Variants in SMC2 observed in about 807,000 individuals in gnomAD.
SMC2 encodes the protein structural maintenance of chromosomes 2.
A neutral mutation model predicts 142.6 loss-of-function variants in SMC2; 41 were observed. The ratio of observed to expected loss-of-function variants is 0.29; its 90% CI spans 0.22 to 0.37. The LOEUF (loss-of-function observed/expected upper bound fraction) is 0.37. Ranked by LOEUF, SMC2 falls within the 10% of genes least tolerant of loss-of-function variation. SMC2 has a pLI of 1.00. For synonymous variants in SMC2, 463 were observed against 457.5 expected (o/e 1.01, Z -0.15); for missense variants, 1,265 against 1,373.7 (o/e 0.92, Z 1.25).
intron 10 of SMC2, 29 bp downstream of exon 10, chr9:104,111,843 T>C (rs763962629): frequency 1.4e-6 from 2 of 1,477,754 alleles, no homozygotes; most frequent in Admixed American, 4.3e-5. Flanking sequence ...ACTATGTGAT[T>C]GCTTTTTTTT....
Position 104,131,915 on chromosome 9 carries a change from A to G in SMC2, c.2992-94A>G, listed in dbSNP as rs180960437. On this transcript the variant is annotated intron_variant, in intron 21 of 24. Transcript: ENST00000374793. The stretch of plus-strand genomic sequence containing the variant: ...GTAAATAGCAATGTATGTATTGTAT[A>G]TAAAAATAATGAAAACTGTTTATTT... The G allele has an allele frequency of 1.9e-4, 129 of 678,622 alleles. No homozygotes were observed. In the East Asian group the frequency reaches 2.5e-3, roughly 13 times the overall value. The allele number at this position is 678,622 out of a possible 1,614,324, so 42.0% of individuals were successfully genotyped here.
Position 104,113,858 on chromosome 9 carries a change from T to G in SMC2, c.1415-106T>G, listed in dbSNP as rs987153117. 13 of 666,942 alleles carry G rather than the reference T, an allele frequency of 1.9e-5. No homozygotes were observed. In the African/African-American group the frequency reaches 2.2e-4, roughly 11 times the overall value. 41.3% of individuals were successfully genotyped at this position (666,942 alleles called of 1,614,324 possible). A position where few individuals can be genotyped will look rare whatever the true frequency, so the allele number is the denominator to read the frequency against. On this transcript the variant is annotated intron_variant, in intron 11 of 24. Coordinates refer to ENST00000374793, the MANE Select transcript of SMC2 (RefSeq NM_006444.3). ...ATGCTTTTTTAATACTTACAGAAAT[T>G]TGTATTTTTTGCATGCTTTGGAAAT...
intron 22 of SMC2, among the ~76,000 whole-genome samples, chr9:104,132,843 T>G (rs1045677542): frequency 6.6e-6 from 1 of 151,924 alleles, no homozygotes; most frequent in African/African-American, 2.4e-5. Flanking sequence ...CTGAGAGGTT[T>G]TTTTTTTTTT....
intron 13 of SMC2, 82 bp from the exon 14 acceptor site, chr9:104,116,118 T>C: frequency 8.2e-7 from 1 of 1,226,224 alleles, no homozygotes; most frequent in Middle Eastern, 2.0e-4. Flanking sequence ...AACATTCATT[T>C]ATTATAGACT....
chr9:104,090,515 A>G (rs1039936901), upstream of SMC2, among the ~76,000 whole-genome samples: 15 of 149,416 alleles, frequency 1.0e-4, no homozygotes, highest in Admixed American at 4.0e-4. Context: ...ATAGGGTGGG[A>G]AAAAAAAAAC....
intron 19 of SMC2, 72 bp from the exon 20 acceptor site, chr9:104,127,214 A>C: frequency 8.2e-7 from 1 of 1,215,758 alleles, no homozygotes; most frequent in Non-Finnish European, 1.1e-6. Context: ...GATCTGTCAG[A>C]TAATTGTTTA....
chr9:104,128,108 C>G (rs1834518989), intron 20 of SMC2, among the ~76,000 whole-genome samples: 1 of 152,200 alleles, frequency 6.6e-6, no homozygotes, highest in African/African-American at 2.4e-5. Context: ...AATAATTCAT[C>G]TAGCATGTTT....
intron 1 of SMC2, among the ~76,000 whole-genome samples, 187 bp from the exon 2 acceptor site, chr9:104,095,137 T>A (rs1041429782): frequency 6.6e-6 from 1 of 152,250 alleles, no homozygotes; most frequent in Non-Finnish European, 1.5e-5. Context: ...TTGAATGGTT[T>A]AATTTCCAGA....
At chr9:104,111,495 A>G in intron 9 of SMC2, 86 bp from the exon 10 acceptor site, 1 of 731,124 alleles carries the variant, frequency 1.4e-6, no homozygotes, top group East Asian at 2.7e-5. Context: ...ATTGCTATGG[A>G]ATTTTATTAC....
rs778154616 is a variant in SMC2 at position 104,113,296 on chromosome 9, G to A, written c.1255-20G>A. 2 of 1,593,112 alleles carry A rather than the reference G, an allele frequency of 1.3e-6. No individual in the cohort carries two copies. The highest frequency in any genetic ancestry group is 1.7e-6 in the Non-Finnish European group (2 of 1,171,362). Reference sequence around the variant, plus strand: ...GTCTGCCTCATACATCCTATGGTCTGTTGCATTTTTCTGCCACAGGCTCAG... The same window carrying A: ...GTCTGCCTCATACATCCTATGGTCTATTGCATTTTTCTGCCACAGGCTCAG... On this transcript the variant is annotated intron_variant, in intron 10 of 24. Transcript: ENST00000374793.
chr9:104,099,574 C>A, intron 4 of SMC2, 70 bp from the exon 5 acceptor site: 1 of 956,362 alleles, frequency 1.0e-6, no homozygotes, highest in Non-Finnish European at 1.7e-6. Flanking sequence ...TCTAGATAAA[C>A]ATGAATGGCA....
chr9:104,137,528 T>C (rs1290055020), intron 23 of SMC2, among the ~76,000 whole-genome samples: 2 of 152,062 alleles, frequency 1.3e-5, no homozygotes, highest in African/African-American at 4.8e-5. Context: ...TACCAAAAAA[T>C]ATATAGATTG....
chr9:104,117,945 TAATA>T (rs1833315189), intron 14 of SMC2, among the ~76,000 whole-genome samples: 1 of 152,216 alleles, frequency 6.6e-6, no homozygotes, highest in Admixed American at 6.5e-5. Flanking sequence ...TACTAGCTAT[TAATA>T]AATATTTTAC....
chr9:104,112,971 A>G (rs1024926805), intron 10 of SMC2, among the ~76,000 whole-genome samples: 2 of 152,150 alleles, frequency 1.3e-5, no homozygotes, highest in African/African-American at 2.4e-5. Flanking sequence ...CGGAAAGGAA[A>G]AGAACGAGAG....
chr9:104,133,981 T>C (rs1393788625), intron 22 of SMC2, among the ~76,000 whole-genome samples: 3 of 152,138 alleles, frequency 2.0e-5, no homozygotes, highest in Non-Finnish European at 2.9e-5. Flanking sequence ...CTTGTGTTTT[T>C]TTGTTTGCTT....
intron 10 of SMC2, among the ~76,000 whole-genome samples, chr9:104,112,696 A>G (rs967407976): frequency 3.9e-5 from 6 of 152,156 alleles, no homozygotes; most frequent in African/African-American, 1.4e-4. Context: ...GTTTTGGAGG[A>G]TACCCCCATC....
chr9:104,139,222 A>C lies in SMC2; in HGVS notation c.3501A>C (p.Thr1167=). Reference sequence around the variant, plus strand: ...CCAAGTTTGTGGATGGTGTTTCTACAGTAGCCAGATTTACTCAATGTCAAA... The same window carrying C: ...CCAAGTTTGTGGATGGTGTTTCTACCGTAGCCAGATTTACTCAATGTCAAA... ...FKTKFVDGVS[T]VARFTQCQNG... The change falls in exon 25 of 25, where the codon ACA becomes ACC. Residue 1167 remains threonine, a synonymous_variant. Transcript: ENST00000374793. The C allele has an allele frequency of 1.9e-6, 3 of 1,603,946 alleles. No individual in the cohort carries two copies. Among genetic ancestry groups the C allele is most frequent in the Non-Finnish European group, 2.6e-6 (3 of 1,176,462 alleles).
At chr9:104,106,283 T>C (rs1258568146) in intron 9 of SMC2, among the ~76,000 whole-genome samples, 1 of 152,208 alleles carries the variant, frequency 6.6e-6, no homozygotes, top group Admixed American at 6.5e-5. Flanking sequence ...AAAAAAGACA[T>C]ATTTCTTTCA....
intron 15 of SMC2, among the ~76,000 whole-genome samples, chr9:104,119,002 A>G (rs1833432535): frequency 6.6e-6 from 1 of 152,182 alleles, no homozygotes; most frequent in Non-Finnish European, 1.5e-5. Flanking sequence ...AACGCACTAC[A>G]GGGTGGCAGA....
Sources: gnomAD v4.1 joint callset for allele counts (sites outside exome capture counted in the v4.1 genomes callset) on GRCh38, gnomAD v4.1.1 for gene constraint, MANE v1.5 for transcripts, NCBI Gene and HGNC (gene_info 2026-07-23, HGNC 2026-07-21) for gene names.